The following HSD17B2 variants were observed in gnomAD, a reference collection of about 807,000 sequenced individuals.
HSD17B2 encodes the protein 17-beta-hydroxysteroid dehydrogenase type 2.
Under a neutral mutation model 26.9 loss-of-function variants are expected in HSD17B2, and 32 were observed. The observed-to-expected ratio is 1.19, with a 90% CI of 0.90 to 1.60. The LOEUF (loss-of-function observed/expected upper bound fraction) is 1.60. Among genes scored for constraint, HSD17B2 ranks in the 40% most tolerant of loss-of-function variants. The pLI is 0.00. For missense variants in HSD17B2, 613 were observed against 468.6 expected (o/e 1.31, Z -2.85); for synonymous variants, 246 against 186.7 (o/e 1.32, Z -2.59).
chr16:82,039,599 T>C (rs1913715113), intron 1 of HSD17B2, among the ~76,000 whole-genome samples: 1 of 152,218 alleles, frequency 6.6e-6, no homozygotes, highest in African/African-American at 2.4e-5. Context: ...TCAAAATTCC[T>C]ACTTTTCCTT....
intron 4 of HSD17B2, 99 bp downstream of exon 4, chr16:82,091,138 T>A: frequency 8.5e-7 from 1 of 1,175,630 alleles, no homozygotes; most frequent in Non-Finnish European, 1.3e-6. Flanking sequence ...CTCATTGTTG[T>A]CAAAGATGAG....
chr16:82,052,524 C>T (rs1914138395), intron 1 of HSD17B2: 1 of 152,154 alleles, frequency 6.6e-6, no homozygotes, highest in Non-Finnish European at 1.5e-5. Context: ...GGGAGCAACC[C>T]TTGAGGTTTT....
At chr16:82,068,127 A>T (rs779648490) in intron 1 of HSD17B2, 43 bp from the exon 2 acceptor site, 1 of 1,497,674 alleles carries the variant, frequency 6.7e-7, no homozygotes, top group East Asian at 2.3e-5. Flanking sequence ...TTCTCCTGTC[A>T]CTCTGGTTTG....
chr16:82,087,707 AT>A (rs1441451361), intron 3 of HSD17B2, among the ~76,000 whole-genome samples: 1 of 152,222 alleles, frequency 6.6e-6, no homozygotes, highest in Non-Finnish European at 1.5e-5. Context: ...TGGGTAATTT[AT>A]AATGAACAGA....
intron 2 of HSD17B2, among the ~76,000 whole-genome samples, chr16:82,069,238 A>G (rs1034568757): frequency 6.6e-6 from 1 of 152,162 alleles, no homozygotes; most frequent in East Asian, 1.9e-4. Flanking sequence ...TGCAAAGGAT[A>G]TGATCTCATT....
intron 1 of HSD17B2, among the ~76,000 whole-genome samples, chr16:82,038,490 C>G (rs1232411018): frequency 6.6e-6 from 1 of 152,214 alleles, no homozygotes; most frequent in Non-Finnish European, 1.5e-5. Context: ...GCTGGGATTA[C>G]AGGCACGTGC....
At chr16:82,079,052 G>C (rs1597135251) in intron 3 of HSD17B2, among the ~76,000 whole-genome samples, 1 of 152,194 alleles carries the variant, frequency 6.6e-6, no homozygotes, top group African/African-American at 2.4e-5. Context: ...CAACACAAAG[G>C]ATAAATGCTT....
intron 1 of HSD17B2, among the ~76,000 whole-genome samples, chr16:82,061,964 A>T (rs902456950): frequency 1.3e-5 from 2 of 152,216 alleles, no homozygotes; most frequent in African/African-American, 4.8e-5. Context: ...CGTTTTATTC[A>T]AGAGGCCTGG....
At chr16:82,050,761 G>C (rs1247939508) in intron 1 of HSD17B2, among the ~76,000 whole-genome samples, 1 of 152,038 alleles carries the variant, frequency 6.6e-6, no homozygotes. Flanking sequence ...TCACCTTCAT[G>C]TCTTAGTCTA....
rs556474917 is a variant in HSD17B2, at chr16:82,067,701, G to A, written c.266-469G>A. Among the ~76,000 whole-genome samples the A allele has an allele frequency of 1.5e-4, 23 of 152,336 alleles. No individual in the cohort carries two copies. In the South Asian group the frequency reaches 2.3e-3, roughly 15 times the overall value. ...ATCCAGCATGAACTGGCCCCCATGG[G>A]CAGCCTCTGTTATTGCCCTGTGTCT... On this transcript the variant is annotated intron_variant, in intron 1 of 4. Transcript: ENST00000199936.
intron 1 of HSD17B2, among the ~76,000 whole-genome samples, chr16:82,049,494 G>T (rs1327555851): frequency 1.3e-5 from 2 of 152,210 alleles, no homozygotes; most frequent in African/African-American, 4.8e-5. Flanking sequence ...ACTGCACCTT[G>T]AAGAATAGGC....
chr16:82,039,352 G>GGA (rs1184386645), intron 1 of HSD17B2, among the ~76,000 whole-genome samples: 1,728 of 134,078 alleles, frequency 0.013, 34 homozygotes, highest in African/African-American at 0.043. Flanking sequence ...AGAGAGAGAG[G>GGA]GAGAGAGAGA....
chr16:82,085,673 A>C (rs1391344915), intron 3 of HSD17B2, among the ~76,000 whole-genome samples: 1 of 152,120 alleles, frequency 6.6e-6, no homozygotes, highest in African/African-American at 2.4e-5. Flanking sequence ...CAACACTGAC[A>C]TATGTGGGTA....
In HSD17B2 at chr16:82,087,176, A is replaced by C. The variant is rs112086831; in HGVS notation, c.665-3726A>C. The stretch of plus-strand genomic sequence containing the variant: ...AATGTTAGGTTATTCAAAGTGTCTG[A>C]GTAATGCAAGAGGAATAAGTTACAT... On this transcript the variant is annotated intron_variant, in intron 3 of 4. Transcript: ENST00000199936. Among the ~76,000 whole-genome samples, 71 of 152,362 alleles carry C rather than the reference A, an allele frequency of 4.7e-4. 1 individual carries two copies. The highest frequency in any genetic ancestry group is 1.0e-3 in the Non-Finnish European group (69 of 68,038).
At chr16:82,097,933 G>A in intron 4 of HSD17B2, 142 bp from the exon 5 acceptor site, 8 of 735,228 alleles carry the variant, frequency 1.1e-5, no homozygotes, top group Admixed American at 3.7e-5. Context: ...GAAAGACTCT[G>A]TATCCCAAAA....
chr16:82,076,682 C>T (rs1355565941), intron 3 of HSD17B2, among the ~76,000 whole-genome samples: 1 of 152,156 alleles, frequency 6.6e-6, no homozygotes, highest in Non-Finnish European at 1.5e-5. Context: ...TTAGGTGATT[C>T]TTCTGCCTCA....
At chr16:82,081,232 C>G (rs1001502953) in intron 3 of HSD17B2, among the ~76,000 whole-genome samples, 2 of 152,040 alleles carry the variant, frequency 1.3e-5, no homozygotes, top group Non-Finnish European at 2.9e-5. Flanking sequence ...TTTGTCTGCT[C>G]TATTCCCTCC....
At chr16:82,059,979 T>A (rs1175993647) in intron 1 of HSD17B2, among the ~76,000 whole-genome samples, 2 of 152,212 alleles carry the variant, frequency 1.3e-5, no homozygotes, top group African/African-American at 4.8e-5. Flanking sequence ...CGACAACTGT[T>A]ATCCGTTAAG....
intron 1 of HSD17B2, among the ~76,000 whole-genome samples, chr16:82,045,993 T>A (rs909678068): frequency 1.3e-5 from 2 of 152,262 alleles, no homozygotes; most frequent in African/African-American, 4.8e-5. Context: ...TGTTCACCTG[T>A]TGCATTGCCT....
Sources: gnomAD v4.1 joint callset for allele counts (sites outside exome capture counted in the v4.1 genomes callset) on GRCh38, gnomAD v4.1.1 for gene constraint, MANE v1.5 for transcripts, NCBI Gene and HGNC (gene_info 2026-07-23, HGNC 2026-07-21) for gene names.